The following TAOK3 variants were observed in gnomAD, a reference collection of about 807,000 sequenced individuals.
TAOK3 encodes TAO kinase 3, also known as serine/threonine-protein kinase TAO3.
TAOK3 carries 40 observed loss-of-function variants against 120.4 expected under a neutral mutation model. The observed-to-expected ratio is 0.33, with a 90% CI of 0.26 to 0.43. TAOK3 has a LOEUF of 0.43. Ranked by LOEUF, TAOK3 falls within the 20% of genes least tolerant of loss-of-function variation. The pLI, the probability that TAOK3 is intolerant of heterozygous loss-of-function variation, is 1.00. For missense variants in TAOK3, 821 were observed against 1,112.1 expected (o/e 0.74, Z 3.72); for synonymous variants, 355 against 387.5 (o/e 0.92, Z 0.99).
chr12:118,347,961 T>C (rs777567586), intron 1 of TAOK3, among the ~76,000 whole-genome samples: 12 of 152,350 alleles, frequency 7.9e-5, no homozygotes, highest in Middle Eastern at 6.8e-3. Context: ...TATTCAAATA[T>C]CTTAAATGGT....
intron 11 of TAOK3, among the ~76,000 whole-genome samples, chr12:118,207,253 G>A (rs892810725): frequency 5.3e-5 from 8 of 151,154 alleles, no homozygotes; most frequent in Admixed American, 6.6e-5. Flanking sequence ...TTGAACCAGG[G>A]AGGCAGAGGT....
At chr12:118,255,948 G>A (rs2040965345) in intron 2 of TAOK3, 2 of 155,188 alleles carry the variant, frequency 1.3e-5, no homozygotes, top group Non-Finnish European at 1.4e-5. Context: ...GCCAGGCGTG[G>A]TGGCACATGC....
intron 1 of TAOK3, among the ~76,000 whole-genome samples, chr12:118,274,787 C>T (rs1455560385): frequency 6.6e-6 from 1 of 151,760 alleles, no homozygotes; most frequent in African/African-American, 2.4e-5. Context: ...TGCGACCACA[C>T]CCTGTTAATT....
chr12:118,343,091 T>C (rs1206649208), intron 1 of TAOK3, among the ~76,000 whole-genome samples: 1 of 151,936 alleles, frequency 6.6e-6, no homozygotes, highest in Non-Finnish European at 1.5e-5. Flanking sequence ...CTAGATAGCA[T>C]TTCATTGTGG....
chr12:118,323,431 C>T (rs144569637), intron 1 of TAOK3, among the ~76,000 whole-genome samples: 21 of 152,042 alleles, frequency 1.4e-4, no homozygotes, highest in African/African-American at 5.1e-4. Flanking sequence ...TTGATTTTTA[C>T]ACAGGAAAAA....
chr12:118,294,772 T>TTCACAACATCTA (rs143521172), intron 1 of TAOK3, among the ~76,000 whole-genome samples: 18,516 of 152,106 alleles, frequency 0.12, 1,215 homozygotes, highest in Middle Eastern at 0.15. Context: ...TTCACACACA[T>TTCACAACATCTA]TGTTGTACCA....
rs538472305 is a variant in TAOK3 at position 118,343,717 on chromosome 12, A to G, written c.-194+28931T>C. Among the ~76,000 whole-genome samples the G allele has an allele frequency of 1.4e-4, 21 of 152,238 alleles. No individual in the cohort carries two copies. The South Asian group carries it at 2.1e-3, about 15-fold the overall frequency. ...TTTTGTTAACTCTATGAGTCTTATA[A>G]AAAATCCACTAGAGGCTGGGCGCGG... On this transcript the variant is annotated intron_variant, in intron 1 of 20. Transcript: ENST00000392533.
At chr12:118,215,948 C>T (rs897667404) in intron 9 of TAOK3, among the ~76,000 whole-genome samples, 2 of 151,838 alleles carry the variant, frequency 1.3e-5, no homozygotes, top group African/African-American at 2.4e-5. Context: ...ACCTATAATC[C>T]CAACACTTTG....
chr12:118,318,215 T>C (rs1197686542), intron 1 of TAOK3, among the ~76,000 whole-genome samples: 7 of 150,642 alleles, frequency 4.6e-5, no homozygotes, highest in Non-Finnish European at 4.4e-5. Flanking sequence ...TGGAGCGCAA[T>C]GACGCGATCT....
At chr12:118,210,356 A>G (rs1349541567) in intron 11 of TAOK3, among the ~76,000 whole-genome samples, 1 of 152,172 alleles carries the variant, frequency 6.6e-6, no homozygotes, top group East Asian at 1.9e-4. Flanking sequence ...GCTGGCTCAC[A>G]ATTCCTGGCT....
chr12:118,164,065 G>A (rs1377288294), intron 17 of TAOK3, among the ~76,000 whole-genome samples: 1 of 151,636 alleles, frequency 6.6e-6, no homozygotes, highest in African/African-American at 2.4e-5. Flanking sequence ...GCTCACGCCT[G>A]CAATCCCAGC....
chr12:118,252,710 C>G (rs77441113), intron 3 of TAOK3, among the ~76,000 whole-genome samples: 15 of 150,560 alleles, frequency 1.0e-4, no homozygotes, highest in African/African-American at 2.2e-4. Context: ...AAATTAGCAC[C>G]CTTTTTTCTT....
At chr12:118,323,442 A>G (rs562111971) in intron 1 of TAOK3, among the ~76,000 whole-genome samples, 55 of 152,314 alleles carry the variant, frequency 3.6e-4, no homozygotes, top group African/African-American at 8.2e-4. Flanking sequence ...ACAGGAAAAA[A>G]TAAAACCATT....
At chr12:118,363,727 AGT>A (rs552898130) in intron 1 of TAOK3, among the ~76,000 whole-genome samples, 4,682 of 147,256 alleles carry the variant, frequency 0.032, 104 homozygotes, top group Middle Eastern at 0.096. Flanking sequence ...TGGTCAAGGC[AGT>A]GTGTGTGTGT....
chr12:118,241,534 ATTT>A (rs1450989749), intron 5 of TAOK3, among the ~76,000 whole-genome samples: 1 of 152,188 alleles, frequency 6.6e-6, no homozygotes, highest in African/African-American at 2.4e-5. Flanking sequence ...AAAACTCAGC[ATTT>A]TTGTCACAAA....
chr12:118,252,217 A>C (rs1330137227), intron 3 of TAOK3, among the ~76,000 whole-genome samples: 1 of 152,212 alleles, frequency 6.6e-6, no homozygotes, highest in Non-Finnish European at 1.5e-5. Context: ...AGAAGAAAAG[A>C]AAGCAAAGAT....
At chr12:118,156,309 C>T (rs1026925468) in intron 19 of TAOK3, among the ~76,000 whole-genome samples, 3 of 152,070 alleles carry the variant, frequency 2.0e-5, no homozygotes, top group Non-Finnish European at 4.4e-5. Flanking sequence ...TGCTGACTGC[C>T]CCTTCCTTCT....
chr12:118,281,605 C>T (rs1404094009), intron 1 of TAOK3, among the ~76,000 whole-genome samples: 9 of 151,856 alleles, frequency 5.9e-5, no homozygotes, highest in Admixed American at 1.3e-4. Flanking sequence ...GCCAACATGG[C>T]GAAACCCTGT....
intron 9 of TAOK3, among the ~76,000 whole-genome samples, chr12:118,231,970 T>C (rs1054127468): frequency 1.8e-4 from 28 of 152,080 alleles, no homozygotes; most frequent in Admixed American, 4.6e-4. Flanking sequence ...AAAAACTGAT[T>C]TTTTAAAAAG....
Sources: allele counts gnomAD v4.1 joint callset (sites outside exome capture counted in the v4.1 genomes callset), GRCh38; gene constraint gnomAD v4.1.1; transcripts MANE v1.5; gene names NCBI Gene and HGNC (gene_info 2026-07-23, HGNC 2026-07-21).